Variants in PTPRD observed in about 807,000 individuals in gnomAD.
The protein encoded by PTPRD is receptor-type tyrosine-protein phosphatase delta.
In PTPRD, 34 loss-of-function variants were observed where a neutral mutation model predicts 214.5. The observed-to-expected ratio is 0.16, with a 90% confidence interval of 0.12 to 0.21. The LOEUF is 0.21. Among genes scored for constraint, PTPRD ranks in the 10% least tolerant of loss-of-function variants. The probability of loss-of-function intolerance (pLI) is 1.00; values close to 1 mark genes in which losing one functional copy is unlikely to be tolerated. For missense variants in PTPRD, 2,545 were observed against 2,398.7 expected (o/e 1.06, Z -1.27); for synonymous variants, 1,128 against 845.7 (o/e 1.33, Z -5.79).
rs2098796130 is a variant in PTPRD at position 10,123,921 on chromosome 9, A to C, written c.-544-90131T>G. ...GGTGAATGTTTGTGGACTTAATGAT[A>C]TTGATATTCATGTTACTAGTAAGCA... On this transcript the variant is annotated intron_variant, in intron 3 of 45. Coordinates refer to ENST00000381196, the MANE Select transcript of PTPRD (RefSeq NM_002839.4). Among the ~76,000 whole-genome samples the C allele has an allele frequency of 2.0e-5, 3 of 152,170 alleles. No individual in the cohort carries two copies. In the South Asian group the frequency reaches 6.2e-4, roughly 32 times the overall value.
At chr9:9,057,247 T>C (rs147337436) in intron 10 of PTPRD, among the ~76,000 whole-genome samples, 251 of 152,304 alleles carry the variant, frequency 1.6e-3, no homozygotes, top group African/African-American at 5.8e-3. Flanking sequence ...TGCCACACAA[T>C]TAAAAGCAGT....
At chr9:9,376,204 A>C (rs1374951903) in intron 9 of PTPRD, among the ~76,000 whole-genome samples, 1 of 152,138 alleles carries the variant, frequency 6.6e-6, no homozygotes, top group Non-Finnish European at 1.5e-5. Context: ...TCTTCATTCA[A>C]AATCATTTTT....
chr9:10,032,714 A>C (rs1043479004), intron 4 of PTPRD, among the ~76,000 whole-genome samples: 11 of 152,252 alleles, frequency 7.2e-5, no homozygotes, highest in African/African-American at 2.6e-4. Context: ...GAACTTCTGG[A>C]AGTTGATAAA....
At chr9:9,831,204 CAT>C (rs1380664247) in intron 5 of PTPRD, among the ~76,000 whole-genome samples, 1 of 151,860 alleles carries the variant, frequency 6.6e-6, no homozygotes, top group African/African-American at 2.4e-5. Context: ...CACTGGATAG[CAT>C]AAATACAGTG....
At chr9:8,690,550 T>G (rs1047177241) in intron 12 of PTPRD, among the ~76,000 whole-genome samples, 2 of 150,936 alleles carry the variant, frequency 1.3e-5, no homozygotes, top group Non-Finnish European at 2.9e-5. Flanking sequence ...AAAAATTAGA[T>G]TTAATCATAT....
chr9:9,466,691 C>T (rs2094184744), intron 8 of PTPRD, among the ~76,000 whole-genome samples: 1 of 152,092 alleles, frequency 6.6e-6, no homozygotes, highest in Admixed American at 6.5e-5. Context: ...ATCCTTTCTC[C>T]AAATATTTAA....
At chr9:9,639,944 G>A (rs1188155036) in intron 7 of PTPRD, among the ~76,000 whole-genome samples, 2 of 152,194 alleles carry the variant, frequency 1.3e-5, no homozygotes, top group Non-Finnish European at 2.9e-5. Flanking sequence ...GTTCTGTAGA[G>A]TATGAGGAAT....
intron 12 of PTPRD, among the ~76,000 whole-genome samples, chr9:8,730,119 G>A (rs1007690984): frequency 6.6e-6 from 1 of 152,190 alleles, no homozygotes; most frequent in Admixed American, 6.5e-5. Flanking sequence ...AGCCGGGCGA[G>A]GTGGCGGGCA....
intron 10 of PTPRD, among the ~76,000 whole-genome samples, chr9:9,180,514 G>A (rs1159520768): frequency 6.6e-6 from 1 of 150,924 alleles, no homozygotes; most frequent in Non-Finnish European, 1.5e-5. Context: ...GAGTTAATGG[G>A]TGCAGCACAC....
At chr9:10,598,741 T>TA (rs2077251964) in intron 2 of PTPRD, among the ~76,000 whole-genome samples, 1 of 147,294 alleles carries the variant, frequency 6.8e-6, no homozygotes, top group Admixed American at 6.9e-5. Context: ...TGTAGATGGA[T>TA]AGACAGAGAG....
intron 12 of PTPRD, among the ~76,000 whole-genome samples, chr9:8,677,692 G>T (rs1043268675): frequency 6.6e-6 from 1 of 152,148 alleles, no homozygotes; most frequent in Non-Finnish European, 1.5e-5. Flanking sequence ...GTGATAGCCA[G>T]ATTATTATCA....
chr9:10,370,518 G>C (rs1054012783), intron 2 of PTPRD, among the ~76,000 whole-genome samples: 4 of 151,708 alleles, frequency 2.6e-5, no homozygotes, highest in African/African-American at 9.7e-5. Context: ...GTTTGGCCTT[G>C]GGAAACATTT....
intron 5 of PTPRD, among the ~76,000 whole-genome samples, chr9:9,849,652 C>G (rs1172548058): frequency 2.0e-5 from 3 of 151,944 alleles, no homozygotes; most frequent in African/African-American, 4.8e-5. Context: ...TTGCTAAGCT[C>G]TTGACTGGCA....
chr9:10,535,115 T>C lies in PTPRD; in HGVS notation c.-600+77283A>G, dbSNP rs1211097142. Among the ~76,000 whole-genome samples the C allele has an allele frequency of 5.7e-4, 87 of 152,204 alleles. 1 individual carries two copies. Among genetic ancestry groups the C allele is most frequent in the Non-Finnish European group, 1.0e-4 (7 of 68,000 alleles). On this transcript the variant is annotated intron_variant, in intron 2 of 45. Transcript: ENST00000381196. ...AGCCTGAATGTCAGGAACTGACTAATGTGAAGAAACATATTGTGGCTTGTT... is the reference window on the plus strand; with the variant it reads ...AGCCTGAATGTCAGGAACTGACTAACGTGAAGAAACATATTGTGGCTTGTT...
chr9:10,450,186 C>G lies in PTPRD; in HGVS notation c.-599-109169G>C, dbSNP rs1295429436. The stretch of plus-strand genomic sequence containing the variant: ...CTGATGACCTTCCCTCCACTATTGT[C>G]CTATGACCCTGGCAAATCCCCCTCT... On this transcript the variant is annotated intron_variant, in intron 2 of 45. Coordinates refer to ENST00000381196, the MANE Select transcript of PTPRD (RefSeq NM_002839.4). Among the ~76,000 whole-genome samples the G allele has an allele frequency of 2.0e-5, 3 of 151,814 alleles. No homozygotes were observed. The East Asian group carries it at 5.8e-4, about 29-fold the overall frequency.
At position 8,507,285 on chromosome 9, in the gene PTPRD, A is replaced by T. The variant is rs376161829; in HGVS notation, c.1677+16T>A. The stretch of plus-strand genomic sequence containing the variant: ...GTAATGAATAATTCCCAAGGTGAGA[A>T]GCACTATAGTCTTACCTCCTCTCCA... On this transcript the variant is annotated intron_variant, in intron 22 of 45. Coordinates refer to ENST00000381196, the MANE Select transcript of PTPRD (RefSeq NM_002839.4). The T allele has an allele frequency of 3.1e-6, 5 of 1,606,990 alleles. No homozygotes were observed. The African/African-American group carries it at 6.7e-5, about 22-fold the overall frequency.
At chr9:8,372,698 C>T (rs992121667) in intron 39 of PTPRD, among the ~76,000 whole-genome samples, 8 of 152,018 alleles carry the variant, frequency 5.3e-5, no homozygotes, top group African/African-American at 1.9e-4. Context: ...CCTTGACCTT[C>T]CAAGGCCTTG....
chr9:8,355,489 G>A (rs975316390), intron 39 of PTPRD, among the ~76,000 whole-genome samples: 1 of 152,186 alleles, frequency 6.6e-6, no homozygotes, highest in Non-Finnish European at 1.5e-5. Context: ...CTAGTATTAA[G>A]TGTATTTAGA....
intron 11 of PTPRD, among the ~76,000 whole-genome samples, chr9:8,910,666 T>C (rs1404663852): frequency 6.6e-6 from 1 of 152,216 alleles, no homozygotes; most frequent in East Asian, 1.9e-4. Flanking sequence ...ATAAATTTCA[T>C]TTCTTATCAA....
Sources: gnomAD v4.1 joint callset for allele counts (sites outside exome capture counted in the v4.1 genomes callset) on GRCh38, gnomAD v4.1.1 for gene constraint, MANE v1.5 for transcripts, NCBI Gene and HGNC (gene_info 2026-07-23, HGNC 2026-07-21) for gene names.